The following ARHGEF33 variants were observed in gnomAD, a reference collection of about 807,000 sequenced individuals.
ARHGEF33 encodes DH and coiled-coil domain-containing protein ENSP00000381780.
A neutral mutation model predicts 101.9 loss-of-function variants in ARHGEF33; 72 were observed. The observed-to-expected ratio is 0.71, with a 90% CI of 0.58 to 0.86. ARHGEF33 has a LOEUF of 0.86. Ranked by LOEUF, ARHGEF33 falls within the 40% of genes least tolerant of loss-of-function variation. ARHGEF33 has a pLI of 0.00. For synonymous variants in ARHGEF33, 499 were observed against 442.5 expected, an observed-to-expected ratio of 1.13 and a Z score of -1.60; for missense variants, 1,169 against 1,111.3, an observed-to-expected ratio of 1.05 and a Z score of -0.74.
rs138393828 is a variant in ARHGEF33 at position 38,901,798 on chromosome 2, C to T, written c.-86+5949C>T. 3.0e-3 allele frequency among the ~76,000 whole-genome samples: 452 copies of T among 152,288 alleles called. 4 individuals are homozygous for T. Among genetic ancestry groups the T allele is most frequent in the Middle Eastern group, 0.01 (3 of 294 alleles). ...ACATCTTCCAGACTTCAAACTCAAACTCTTCATTTCTACTCCCTATTAACA... is the reference window on the plus strand; with the variant it reads ...ACATCTTCCAGACTTCAAACTCAAATTCTTCATTTCTACTCCCTATTAACA... On this transcript the variant is annotated intron_variant, in intron 2 of 17. Transcript: ENST00000409978.
chr2:38,900,768 G>T lies in ARHGEF33; in HGVS notation c.-86+4919G>T, dbSNP rs986909447. ...TGAGATTTAAGATTAAGGTCCCACA[G>T]ACAGAGCTGAATCAAGATACCTGAG... On this transcript the variant is annotated intron_variant, in intron 2 of 17. Coordinates refer to ENST00000409978, the MANE Select transcript of ARHGEF33 (RefSeq NM_001145451.5). Among the ~76,000 whole-genome samples the T allele has an allele frequency of 3.9e-5, 6 of 152,198 alleles. 1 individual carries two copies. The highest frequency in any genetic ancestry group is 1.2e-4 in the African/African-American group (5 of 41,440).
At chr2:38,955,494 T>TTTG in intron 13 of ARHGEF33, among the ~76,000 whole-genome samples, 1 of 126,862 alleles carries the variant, frequency 7.9e-6, no homozygotes, top group Non-Finnish European at 1.7e-5. Context: ...TTTTTTTTTT[T>TTTG]TTTTTTTTTT....
At chr2:38,957,989 G>C in intron 14 of ARHGEF33, 45 bp from the exon 15 acceptor site, 1 of 1,546,992 alleles carries the variant, frequency 6.5e-7, no homozygotes. Flanking sequence ...CAGAGAGCCA[G>C]TTTGCCACTG....
intron 17 of ARHGEF33, among the ~76,000 whole-genome samples, chr2:38,971,178 AC>A (rs577513876): frequency 1.3e-5 from 2 of 152,002 alleles, no homozygotes; most frequent in Non-Finnish European, 2.9e-5. Context: ...GGATTCAACT[AC>A]CCCCATCCCC....
chr2:38,890,925 T>C (rs1665981606), intron 1 of ARHGEF33, among the ~76,000 whole-genome samples: 1 of 152,092 alleles, frequency 6.6e-6, no homozygotes, highest in African/African-American at 2.4e-5. Context: ...CTAAACTCAT[T>C]TGAAAACTCA....
chr2:38,912,325 G>A (rs1389328641), intron 2 of ARHGEF33, among the ~76,000 whole-genome samples: 1 of 152,198 alleles, frequency 6.6e-6, no homozygotes, highest in Non-Finnish European at 1.5e-5. Flanking sequence ...GAATTACTAG[G>A]CTCAGAGTGA....
At chr2:38,898,461 C>T (rs6725350) in intron 2 of ARHGEF33, among the ~76,000 whole-genome samples, 1 of 152,188 alleles carries the variant, frequency 6.6e-6, no homozygotes, top group African/African-American at 2.4e-5. Flanking sequence ...TCCAGGCACT[C>T]CAGATGGGCC....
intron 16 of ARHGEF33, among the ~76,000 whole-genome samples, chr2:38,962,914 C>G (rs1667977800): frequency 6.8e-6 from 1 of 146,234 alleles, no homozygotes. Context: ...GTCCCAGCTA[C>G]TCAGGAGGCT....
intron 1 of ARHGEF33, among the ~76,000 whole-genome samples, chr2:38,895,075 C>T (rs545647699): frequency 1.3e-5 from 2 of 152,296 alleles, no homozygotes; most frequent in African/African-American, 4.8e-5. Context: ...CTTTGCCCCT[C>T]CCTAAACTCT....
At chr2:38,952,443 T>G (rs1356101826) in intron 11 of ARHGEF33, among the ~76,000 whole-genome samples, 1 of 152,202 alleles carries the variant, frequency 6.6e-6, no homozygotes, top group East Asian at 1.9e-4. Flanking sequence ...TGTTGTGAAC[T>G]ACTGATCTGG....
At chr2:38,964,171 A>C (rs1668005041) in intron 16 of ARHGEF33, among the ~76,000 whole-genome samples, 1 of 152,102 alleles carries the variant, frequency 6.6e-6, no homozygotes, top group African/African-American at 2.4e-5. Flanking sequence ...CTGCTTCACA[A>C]AGATGGGATG....
intron 7 of ARHGEF33, 43 bp downstream of exon 7, chr2:38,931,294 C>G: frequency 6.8e-7 from 1 of 1,478,006 alleles, no homozygotes; most frequent in Non-Finnish European, 9.1e-7. Flanking sequence ...GTATTTTTTT[C>G]CCAATTCCCC....
At chr2:38,912,928 A>C (rs141090946) in intron 2 of ARHGEF33, among the ~76,000 whole-genome samples, 19 of 152,362 alleles carry the variant, frequency 1.2e-4, no homozygotes, top group African/African-American at 4.6e-4. Context: ...ATATAAATAA[A>C]ATATGAAGCA....
At chr2:38,972,162 A>T (rs1054500266) in intron 17 of ARHGEF33, among the ~76,000 whole-genome samples, 9 of 152,324 alleles carry the variant, frequency 5.9e-5, no homozygotes, top group African/African-American at 2.2e-4. Flanking sequence ...AGGCATTCCT[A>T]GTCTTCTGAA....
intron 2 of ARHGEF33, among the ~76,000 whole-genome samples, chr2:38,896,822 T>C (rs1217867093): frequency 6.6e-6 from 1 of 152,214 alleles, no homozygotes; most frequent in Non-Finnish European, 1.5e-5. Flanking sequence ...AAGCCCATCA[T>C]CCTACCCCTA....
At chr2:38,892,252 C>G (rs530389540) in intron 1 of ARHGEF33, among the ~76,000 whole-genome samples, 200 of 152,240 alleles carry the variant, frequency 1.3e-3, no homozygotes, top group African/African-American at 4.7e-3. Flanking sequence ...CCCTTTCCAC[C>G]TTTCCCCAGG....
At chr2:38,940,944 G>A (rs931767051) in intron 9 of ARHGEF33, among the ~76,000 whole-genome samples, 3 of 152,162 alleles carry the variant, frequency 2.0e-5, no homozygotes, top group Admixed American at 2.0e-4. Context: ...TGAGTCATGG[G>A]TGTAGGTCCA....
At chr2:38,948,143 G>A (rs757929557) in intron 10 of ARHGEF33, among the ~76,000 whole-genome samples, 2 of 151,982 alleles carry the variant, frequency 1.3e-5, no homozygotes, top group Non-Finnish European at 2.9e-5. Context: ...TGAAAAAGTT[G>A]CTTCTGGGCG....
In ARHGEF33 at chr2:38,956,948, T is replaced by C. The variant is rs756810994; in HGVS notation, c.1271T>C (p.Leu424Pro). 1.3e-6 allele frequency: 2 copies of C among 1,552,388 alleles called. No homozygotes were observed. Among genetic ancestry groups the C allele is most frequent in the South Asian group, 1.2e-5 (1 of 84,060 alleles). ...GAGCACCCTGACTATTATCTACTAC[T>C]GGTGTGTGTCCAGCGCCTCCGAGTA... is the stretch of plus-strand genomic sequence containing the variant. The part of the protein sequence containing the change: ...EQEHPDYYLL[L>P]VCVQRLRVFI... Residue 424 changes from leucine (L) to proline (P), a missense_variant, in exon 14 of 18, where the codon CTG becomes CCG. Physicochemically the swap from Leu to Pro is moderately conservative, Grantham distance 98. Transcript: ENST00000409978.
Sources: allele counts gnomAD v4.1 joint callset (sites outside exome capture counted in the v4.1 genomes callset), GRCh38; gene constraint gnomAD v4.1.1; transcripts MANE v1.5; gene names NCBI Gene and HGNC (gene_info 2026-07-23, HGNC 2026-07-21).